Variants in RANBP9 observed in about 807,000 individuals in gnomAD.
The protein encoded by RANBP9 is RAN binding protein 9, also known as ran-binding protein 9.
Under a neutral mutation model 84.3 loss-of-function variants are expected in RANBP9, and 15 were observed. The observed-to-expected ratio is 0.18, with a 90% confidence interval of 0.12 to 0.27. RANBP9 has a LOEUF of 0.27. Among genes scored for constraint, RANBP9 ranks in the 10% least tolerant of loss-of-function variants. The pLI is 1.00. For missense variants in RANBP9, 809 were observed against 912.8 expected, an observed-to-expected ratio of 0.89 and a Z score of 1.46; for synonymous variants, 392 against 349.6, an observed-to-expected ratio of 1.12 and a Z score of -1.35.
chr6:13,651,402 G>T (rs1365132900), intron 5 of RANBP9, among the ~76,000 whole-genome samples: 5 of 148,252 alleles, frequency 3.4e-5, no homozygotes, highest in Non-Finnish European at 7.5e-5. Context: ...TTGTTTTTTT[G>T]TTTTTTTTTT....
chr6:13,695,334 G>A (rs1166633737), intron 2 of RANBP9, among the ~76,000 whole-genome samples: 2 of 146,782 alleles, frequency 1.4e-5, no homozygotes, highest in African/African-American at 5.0e-5. Flanking sequence ...AGGCAGTAGA[G>A]ATGAACAGAA....
At chr6:13,647,174 A>G (rs1472919423) in intron 5 of RANBP9, among the ~76,000 whole-genome samples, 3 of 152,170 alleles carry the variant, frequency 2.0e-5, no homozygotes, top group East Asian at 1.9e-4. Flanking sequence ...TCCTACAAAA[A>G]TAAGTATGTG....
Position 13,708,021 on chromosome 6 carries a change from C to G in RANBP9, c.571+2914G>C, listed in dbSNP as rs373969492. ...CCCTGTTGTTCCTCTGCAATCCAAT[C>G]AACCTTATCTGCATGTCTAGTATTA... On this transcript the variant is annotated intron_variant, in intron 1 of 13. Transcript: ENST00000011619. 7.2e-5 allele frequency among the ~76,000 whole-genome samples: 11 copies of G among 152,324 alleles called. No homozygotes were observed. The South Asian group carries it at 2.3e-3, about 32-fold the overall frequency.
At chr6:13,658,757 C>T (rs1156702191) in intron 3 of RANBP9, 23 bp downstream of exon 3, 3 of 1,521,330 alleles carry the variant, frequency 2.0e-6, no homozygotes, top group Non-Finnish European at 2.7e-6. Context: ...AGACATAATA[C>T]TGTAATTCAA....
At chr6:13,658,052 T>C (rs1351704572) in intron 3 of RANBP9, among the ~76,000 whole-genome samples, 1 of 152,156 alleles carries the variant, frequency 6.6e-6, no homozygotes, top group Non-Finnish European at 1.5e-5. Flanking sequence ...CACTTCCTTC[T>C]CATAAGTGGT....
intron 2 of RANBP9, 29 bp from the exon 3 acceptor site, chr6:13,658,861 A>C (rs1383072284): frequency 6.6e-7 from 1 of 1,525,844 alleles, no homozygotes; most frequent in Non-Finnish European, 9.1e-7. Flanking sequence ...GGAGAGAAGA[A>C]AAGGACATTA....
At chr6:13,673,715 C>T (rs1482990970) in intron 2 of RANBP9, among the ~76,000 whole-genome samples, 1 of 151,760 alleles carries the variant, frequency 6.6e-6, no homozygotes, top group African/African-American at 2.4e-5. Flanking sequence ...AGGGAAACTA[C>T]CAAAAAATCT....
At chr6:13,692,527 C>CAAAAAA (rs61237158) in intron 2 of RANBP9, among the ~76,000 whole-genome samples, 3 of 28,726 alleles carry the variant, frequency 1.0e-4, no homozygotes, top group African/African-American at 2.7e-4. Flanking sequence ...AACTCCGTCT[C>CAAAAAA]AAAAAAAAAA....
chr6:13,683,741 A>G (rs1766099795), intron 2 of RANBP9, among the ~76,000 whole-genome samples: 1 of 151,964 alleles, frequency 6.6e-6, no homozygotes, highest in Non-Finnish European at 1.5e-5. Context: ...TGCATTAAGA[A>G]TGCATTACCT....
rs750400570 is a variant in RANBP9, at chr6:13,711,039, G to C, written c.467C>G (p.Pro156Arg). Residue 156 changes from proline (P) to arginine (R), a missense_variant, in exon 1 of 14, where the codon CCG becomes CGG. By Grantham distance (103) the Pro-to-Arg change is moderately radical. Coordinates refer to ENST00000011619, the MANE Select transcript of RANBP9 (RefSeq NM_005493.3). ...ELQRRLKRLY[P>R]AVDEQETPLP... ...CGGCGTCTCTTGTTCGTCCACGGCC[G>C]GGTAGAGACGCTTCAGCCGCCGCTG... The C allele has an allele frequency of 6.3e-7, 1 of 1,595,578 alleles. No individual in the cohort carries two copies. The highest frequency in any genetic ancestry group is 1.1e-5 in the South Asian group (1 of 88,636).
chr6:13,672,103 G>A (rs990679932), intron 2 of RANBP9, among the ~76,000 whole-genome samples: 2 of 152,138 alleles, frequency 1.3e-5, no homozygotes, highest in Admixed American at 6.5e-5. Flanking sequence ...TCAGTCTTAA[G>A]GAAGAATATA....
chr6:13,695,927 C>A (rs1766433655), intron 2 of RANBP9, among the ~76,000 whole-genome samples: 1 of 152,170 alleles, frequency 6.6e-6, no homozygotes, highest in Non-Finnish European at 1.5e-5. Flanking sequence ...ACTGACCTCA[C>A]AGGGCAACTT....
intron 2 of RANBP9, among the ~76,000 whole-genome samples, chr6:13,669,632 C>CT (rs1765728331): frequency 2.0e-5 from 3 of 152,202 alleles, no homozygotes; most frequent in Non-Finnish European, 4.4e-5. Flanking sequence ...CTCACTTTAA[C>CT]CAGGCTGCAG....
chr6:13,637,760 T>C, intron 10 of RANBP9, 48 bp downstream of exon 10: 2 of 1,476,504 alleles, frequency 1.4e-6, no homozygotes, highest in African/African-American at 1.4e-5. Flanking sequence ...CGATTACACC[T>C]ATAACTAGGT....
At chr6:13,626,359 C>T (rs1356832174) in intron 12 of RANBP9, among the ~76,000 whole-genome samples, 2 of 152,144 alleles carry the variant, frequency 1.3e-5, no homozygotes, top group Non-Finnish European at 2.9e-5. Context: ...TTTTTGTCTT[C>T]TTTCTATGGG....
intron 3 of RANBP9, among the ~76,000 whole-genome samples, chr6:13,657,735 C>T (rs1326054063): frequency 6.6e-6 from 1 of 152,166 alleles, no homozygotes; most frequent in African/African-American, 2.4e-5. Context: ...TACCACACTA[C>T]AGATATGTTT....
rs149404482 is a variant in RANBP9 at position 13,683,168 on chromosome 6, C to G, written c.683+13617G>C. On this transcript the variant is annotated intron_variant, in intron 2 of 13. Transcript: ENST00000011619. ...ACATTTCAACCACTCCTCCAAAAAA[C>G]TATCCATACTACTAAATCATCCACA... Among the ~76,000 whole-genome samples the G allele has an allele frequency of 3.3e-3, 507 of 152,310 alleles. 2 individuals are homozygous for G. Among genetic ancestry groups the G allele is most frequent in the African/African-American group, 0.012 (493 of 41,568 alleles).
At position 13,658,808 on chromosome 6, in the gene RANBP9, A is replaced by G. The variant is rs756749480; in HGVS notation, c.708T>C (p.Ala236=). 1 of 1,578,852 alleles carries G rather than the reference A, an allele frequency of 6.3e-7. No homozygotes were observed. The highest frequency in any genetic ancestry group is 1.1e-5 in the South Asian group (1 of 90,294). The change falls in exon 3 of 14, where the codon GCT becomes GCC. Residue 236 remains alanine (A), a synonymous_variant. Coordinates refer to ENST00000011619, the MANE Select transcript of RANBP9 (RefSeq NM_005493.3). ...RDGYMGIGLS[A]QGVNMNRLPG... ...GTAGTCTATTCATGTTCACACCTTG[A>G]GCAGAAAGACCAATTCCCATGTAAC...
rs1758165846 is a variant in RANBP9 at position 13,707,810 on chromosome 6, T to C, written c.571+3125A>G. 2.6e-5 allele frequency among the ~76,000 whole-genome samples: 4 copies of C among 152,380 alleles called. No homozygotes were observed. The South Asian group carries it at 8.3e-4, about 32-fold the overall frequency. On this transcript the variant is annotated intron_variant, in intron 1 of 13. Transcript: ENST00000011619. ...TGTTGAAACATTTAAACTAAGTCCA[T>C]TGTCATATTTATTAAAATTATTTTC...
Sources: gnomAD v4.1 joint callset for allele counts (sites outside exome capture counted in the v4.1 genomes callset) on GRCh38, gnomAD v4.1.1 for gene constraint, MANE v1.5 for transcripts, NCBI Gene and HGNC (gene_info 2026-07-23, HGNC 2026-07-21) for gene names.